Variants in ATP8A1 observed in about 807,000 individuals in gnomAD.
ATP8A1 encodes ATPase phospholipid transporting 8A1.
Under a neutral mutation model 177.7 loss-of-function variants are expected in ATP8A1, and 90 were observed. The ratio of observed to expected loss-of-function variants is 0.51; its 90% CI spans 0.43 to 0.60. ATP8A1 has a LOEUF of 0.60. Among genes scored for constraint, ATP8A1 ranks in the 20% least tolerant of loss-of-function variants. The pLI is 0.00. For missense variants in ATP8A1, 1,072 were observed against 1,392.8 expected (o/e 0.77, Z 3.67); for synonymous variants, 493 against 485.9 (o/e 1.01, Z -0.19).
chr4:42,555,942 A>G (rs771372820), intron 16 of ATP8A1, 26 bp downstream of exon 16: 1 of 1,529,318 alleles, frequency 6.5e-7, no homozygotes, highest in East Asian at 2.3e-5. Flanking sequence ...TCACTAACAA[A>G]AAGACAATGG....
intron 5 of ATP8A1, among the ~76,000 whole-genome samples, chr4:42,606,978 G>A (rs1291975731): frequency 2.6e-5 from 4 of 152,168 alleles, no homozygotes; most frequent in African/African-American, 9.7e-5. Context: ...AGTCTGATGA[G>A]TATTTGATAT....
Position 42,450,597 on chromosome 4 carries a change from C to T in ATP8A1, c.2896+1384G>A, listed in dbSNP as rs1023669475. Among the ~76,000 whole-genome samples, 3 of 152,120 alleles carry T rather than the reference C, an allele frequency of 2.0e-5. No homozygotes were observed. The East Asian group carries it at 5.8e-4, about 29-fold the overall frequency. ...TATTCTTACCATGCTCATTCCACAG[C>T]CTAGACATTGAAAAGTATTTACTGT... is the stretch of plus-strand genomic sequence containing the variant. On this transcript the variant is annotated intron_variant, in intron 30 of 36. Transcript: ENST00000381668.
Position 42,552,490 on chromosome 4 carries a change from T to C in ATP8A1, c.1519+15A>G, listed in dbSNP as rs148298722. 9 of 1,569,430 alleles carry C rather than the reference T, an allele frequency of 5.7e-6. No homozygotes were observed. The African/African-American group carries it at 9.5e-5, about 16-fold the overall frequency. ...TTTTCCACAAAACAATACTTTACAATTGCTTCATTTGTACCTGGAGATGCT... is the reference window on the plus strand; with the variant it reads ...TTTTCCACAAAACAATACTTTACAACTGCTTCATTTGTACCTGGAGATGCT... On this transcript the variant is annotated intron_variant, in intron 17 of 36. Coordinates refer to ENST00000381668, the MANE Select transcript of ATP8A1 (RefSeq NM_006095.2).
chr4:42,648,904 T>C (rs1740818022), intron 1 of ATP8A1, among the ~76,000 whole-genome samples: 1 of 152,098 alleles, frequency 6.6e-6, no homozygotes, highest in African/African-American at 2.4e-5. Context: ...GGAAGAAAAA[T>C]GCTATACAGT....
chr4:42,555,802 C>T (rs547501367), intron 16 of ATP8A1, among the ~76,000 whole-genome samples, 166 bp downstream of exon 16: 6 of 151,432 alleles, frequency 4.0e-5, no homozygotes, highest in East Asian at 1.9e-4. Flanking sequence ...CCAGCCCCAG[C>T]GACAGAGTGA....
intron 8 of ATP8A1, 33 bp from the exon 9 acceptor site, chr4:42,586,509 A>G: frequency 1.2e-6 from 2 of 1,604,222 alleles, no homozygotes; most frequent in Non-Finnish European, 1.7e-6. Flanking sequence ...CAAAAAGTAT[A>G]TTAAATAAGT....
chr4:42,525,209 CAAG>C (rs1423061327), intron 20 of ATP8A1, among the ~76,000 whole-genome samples: 7 of 152,192 alleles, frequency 4.6e-5, no homozygotes, highest in African/African-American at 1.7e-4. Context: ...GTCCAGAACT[CAAG>C]TAAGTTTGGC....
At chr4:42,488,485 C>T (rs1722422307) in intron 24 of ATP8A1, among the ~76,000 whole-genome samples, 1 of 152,156 alleles carries the variant, frequency 6.6e-6, no homozygotes, top group Non-Finnish European at 1.5e-5. Context: ...TCTGTTGCTT[C>T]CCTTGAGCCC....
At chr4:42,633,990 G>A (rs1739024106) in intron 1 of ATP8A1, among the ~76,000 whole-genome samples, 1 of 152,170 alleles carries the variant, frequency 6.6e-6, no homozygotes, top group Admixed American at 6.5e-5. Flanking sequence ...AGTAAACAGA[G>A]CATAAAACAA....
Position 42,423,708 on chromosome 4 carries a change from G to A in ATP8A1, c.3124-3C>T, listed in dbSNP as rs778613081. 7 of 1,606,680 alleles carry A rather than the reference G, an allele frequency of 4.4e-6. No homozygotes were observed. In the East Asian group the frequency reaches 1.1e-4, roughly 26 times the overall value. ...CCAGAACTGAACAACATGGCTGCCT[G>A]TGTAAATCGTCAGAAAAAACATTAC... On this transcript the variant is annotated splice_polypyrimidine_tract_variant and splice_region_variant and intron_variant, in intron 33 of 36. Coordinates refer to ENST00000381668, the MANE Select transcript of ATP8A1 (RefSeq NM_006095.2).
intron 35 of ATP8A1, among the ~76,000 whole-genome samples, chr4:42,420,958 C>T (rs1478761543): frequency 2.3e-4 from 35 of 151,846 alleles, no homozygotes; most frequent in Admixed American, 1.6e-3. Context: ...TTAGTAGAGA[C>T]GGGTTTTCAC....
chr4:42,646,576 G>A (rs1333059783), intron 1 of ATP8A1, among the ~76,000 whole-genome samples: 1 of 152,090 alleles, frequency 6.6e-6, no homozygotes, highest in Non-Finnish European at 1.5e-5. Flanking sequence ...CCATCTCTTT[G>A]ACTCAACCCT....
At chr4:42,475,680 C>A (rs992846803) in intron 25 of ATP8A1, among the ~76,000 whole-genome samples, 10 of 151,982 alleles carry the variant, frequency 6.6e-5, no homozygotes, top group Admixed American at 5.2e-4. Flanking sequence ...ATAGGTGCCA[C>A]GTATTAGCTC....
chr4:42,433,834 C>T (rs1414657256), intron 33 of ATP8A1, among the ~76,000 whole-genome samples: 5 of 146,840 alleles, frequency 3.4e-5, no homozygotes, highest in Non-Finnish European at 7.4e-5. Flanking sequence ...CTTTGCATCT[C>T]TGTTCTCTGG....
In ATP8A1 at chr4:42,578,904, AT is replaced by A. The variant is rs370072250; in HGVS notation, c.1001-518del. 5.3e-4 allele frequency among the ~76,000 whole-genome samples: 81 copies of A among 152,224 alleles called. 1 individual carries two copies. In the South Asian group the frequency reaches 0.012, roughly 22 times the overall value. On this transcript the variant is annotated intron_variant, in intron 11 of 36. Transcript: ENST00000381668. ...AAATAAAACTGCTATACCAGATACA[AT>A]TATAAAGTATACAAAGAAACAGACT...
intron 5 of ATP8A1, among the ~76,000 whole-genome samples, chr4:42,601,374 G>A (rs1366969140): frequency 3.4e-5 from 5 of 145,026 alleles, no homozygotes; most frequent in Non-Finnish European, 1.5e-5. Context: ...TTTCTGAAAA[G>A]AAAAAAAAAA....
chr4:42,479,561 A>G lies in ATP8A1; in HGVS notation c.2324+5935T>C, dbSNP rs535188311. ...CAGAACTGTCAGAGAACCGTAAGCA[A>G]TCCATTAGGCAGATTTGTATTTCAC... On this transcript the variant is annotated intron_variant, in intron 25 of 36. Transcript: ENST00000381668. Among the ~76,000 whole-genome samples, 27 of 152,314 alleles carry G rather than the reference A, an allele frequency of 1.8e-4. 1 individual carries two copies. The highest frequency in any genetic ancestry group is 1.7e-3 in the Admixed American group (26 of 15,304).
chr4:42,651,992 C>T (rs910500400), intron 1 of ATP8A1, among the ~76,000 whole-genome samples: 1 of 152,226 alleles, frequency 6.6e-6, no homozygotes, highest in East Asian at 1.9e-4. Context: ...AATTCTTAGT[C>T]TTCTGCTTTA....
intron 25 of ATP8A1, 111 bp downstream of exon 25, chr4:42,485,385 T>G (rs768322516): frequency 1.7e-5 from 17 of 995,984 alleles, no homozygotes; most frequent in Non-Finnish European, 2.4e-5. Context: ...AACACATTAG[T>G]AAGTAACCTA....
Sources: gnomAD v4.1 joint callset for allele counts (sites outside exome capture counted in the v4.1 genomes callset) on GRCh38, gnomAD v4.1.1 for gene constraint, MANE v1.5 for transcripts, NCBI Gene and HGNC (gene_info 2026-07-23, HGNC 2026-07-21) for gene names.